Variants in GSE1 observed in about 807,000 individuals in gnomAD.
GSE1 encodes the protein genetic suppressor element 1.
A neutral mutation model predicts 112.6 loss-of-function variants in GSE1; 32 were observed. The observed-to-expected ratio is 0.28, with a 90% confidence interval of 0.21 to 0.38. The LOEUF (loss-of-function observed/expected upper bound fraction) is 0.38. Ranked by LOEUF, GSE1 falls within the 10% of genes least tolerant of loss-of-function variation. GSE1 has a pLI of 1.00. For missense variants in GSE1, 2,348 were observed against 1,699.2 expected, an observed-to-expected ratio of 1.38 and a Z score of -6.71; for synonymous variants, 1,115 against 735.6, an observed-to-expected ratio of 1.52 and a Z score of -8.35.
In GSE1 at chr16:85,666,495, C is replaced by G. The variant is rs1433384048; in HGVS notation, c.3130+148C>G. 4.1e-6 allele frequency: 3 copies of G among 730,346 alleles called. No individual in the cohort carries two copies. In the African/African-American group the frequency reaches 5.3e-5, roughly 13 times the overall value. 45.2% of individuals were successfully genotyped at this position (730,346 alleles called of 1,614,324 possible). ...AGAAGAAAATAATTTCGTTATTATG[C>G]CAAAACCATGTTTGTTTGTTTATCT... On this transcript the variant is annotated intron_variant, in intron 13 of 15. Coordinates refer to ENST00000253458, the MANE Select transcript of GSE1 (RefSeq NM_014615.5).
intron 3 of GSE1, among the ~76,000 whole-genome samples, chr16:85,654,060 C>T (rs2051682489): frequency 6.6e-6 from 1 of 152,168 alleles, no homozygotes; most frequent in South Asian, 2.1e-4. Flanking sequence ...TCCCGAGACG[C>T]ACTTCACCCC....
chr16:85,331,123 T>G (rs151181319), intron 1 of GSE1, among the ~76,000 whole-genome samples: 1 of 151,720 alleles, frequency 6.6e-6, no homozygotes, highest in Non-Finnish European at 1.5e-5. Context: ...GTTTTTTTAT[T>G]GTTATTATTT....
At chr16:85,184,004 A>T (rs927020430) in intron 1 of GSE1, among the ~76,000 whole-genome samples, 1 of 152,228 alleles carries the variant, frequency 6.6e-6, no homozygotes, top group African/African-American at 2.4e-5. Flanking sequence ...CTGTGGCCTT[A>T]CTTATCATTC....
At chr16:85,385,601 C>A (rs921001561) in intron 2 of GSE1, among the ~76,000 whole-genome samples, 1 of 152,204 alleles carries the variant, frequency 6.6e-6, no homozygotes, top group Non-Finnish European at 1.5e-5. Context: ...CCCAGCAAGT[C>A]CCGTGGCACC....
intron 1 of GSE1, among the ~76,000 whole-genome samples, chr16:85,331,373 G>GTATATATATATATATGTA (rs376286455): frequency 5.9e-5 from 5 of 84,488 alleles, no homozygotes; most frequent in Admixed American, 1.2e-4. Flanking sequence ...GTGTATATAT[G>GTATATATATATATATGTA]TATATATATG....
At chr16:85,244,382 C>G (rs1905416942) in intron 1 of GSE1, among the ~76,000 whole-genome samples, 1 of 152,150 alleles carries the variant, frequency 6.6e-6, no homozygotes, top group Non-Finnish European at 1.5e-5. Context: ...TCTAGAGCCT[C>G]CAGAAGGAGC....
chr16:85,537,695 C>G (rs1261986193), intron 2 of GSE1, among the ~76,000 whole-genome samples: 4 of 152,256 alleles, frequency 2.6e-5, no homozygotes, highest in Admixed American at 1.3e-4. Context: ...CACTGTGTGT[C>G]TGCTGCATAG....
intron 1 of GSE1, among the ~76,000 whole-genome samples, chr16:85,287,007 C>T (rs973745505): frequency 1.3e-5 from 2 of 152,228 alleles, no homozygotes; most frequent in African/African-American, 4.8e-5. Context: ...ACTCTGCCCG[C>T]CCCGGGTGCC....
chr16:85,402,934 C>G (rs1487413810), intron 2 of GSE1, among the ~76,000 whole-genome samples: 1 of 151,994 alleles, frequency 6.6e-6, no homozygotes, highest in African/African-American at 2.4e-5. Flanking sequence ...AAAAAATTGC[C>G]CCAAAACTTC....
chr16:85,347,588 C>T (rs999488343), intron 1 of GSE1, among the ~76,000 whole-genome samples: 5 of 151,878 alleles, frequency 3.3e-5, no homozygotes, highest in Middle Eastern at 3.2e-3. Context: ...GTGCCCCACC[C>T]GCCCATCCCA....
intron 2 of GSE1, among the ~76,000 whole-genome samples, chr16:85,438,799 C>G (rs1567487529): frequency 6.6e-6 from 1 of 152,212 alleles, no homozygotes; most frequent in Non-Finnish European, 1.5e-5. Context: ...TGCTGGGACA[C>G]TCAGCTGTGG....
At chr16:85,555,951 C>T (rs540640917), upstream of GSE1, 1 of 984,514 alleles carries the variant, frequency 1.0e-6, no homozygotes, top group Non-Finnish European at 1.2e-6. Context: ...CGCGCTCCCC[C>T]CTCCTTTTTT....
chr16:85,225,418 C>A (rs1351987437), intron 1 of GSE1, among the ~76,000 whole-genome samples: 1 of 152,102 alleles, frequency 6.6e-6, no homozygotes, highest in African/African-American at 2.4e-5. Flanking sequence ...AGCAGGAGGC[C>A]AGCAGGGCTG....
chr16:85,404,043 T>A (rs2048184173), intron 2 of GSE1, among the ~76,000 whole-genome samples: 1 of 151,842 alleles, frequency 6.6e-6, no homozygotes, highest in Admixed American at 6.6e-5. Context: ...TCTGTGTGCG[T>A]CAGAACTCCC....
intron 2 of GSE1, among the ~76,000 whole-genome samples, chr16:85,547,143 G>GC (rs2044728994): frequency 1.3e-5 from 2 of 152,222 alleles, no homozygotes; most frequent in Non-Finnish European, 2.9e-5. Context: ...CCCAGCTGTG[G>GC]CCCAAGGCAT....
At chr16:85,367,835 A>G (rs1478399808) in intron 2 of GSE1, among the ~76,000 whole-genome samples, 1 of 148,236 alleles carries the variant, frequency 6.7e-6, no homozygotes, top group Non-Finnish European at 1.5e-5. Context: ...GTAAAGAGGA[A>G]ATAAGATTCT....
chr16:85,504,834 G>A (rs896463483), intron 2 of GSE1, among the ~76,000 whole-genome samples: 5 of 152,264 alleles, frequency 3.3e-5, no homozygotes, highest in East Asian at 1.9e-4. Context: ...GCTCCAGGCC[G>A]GTGGCTCTGG....
rs187135816 is a variant in GSE1, at chr16:85,407,919, C to T, written c.2464+50276C>T. On this transcript the variant is annotated intron_variant, in intron 2 of 2. Transcript: ENST00000637419. ...CAGGGCCCCCCTGGATAATCCTCAC[C>T]GTTACTCTCAGGCCCCCCTGGATAA... 3.0e-3 allele frequency among the ~76,000 whole-genome samples: 100 copies of T among 33,350 alleles called. 2 individuals carry two copies. The highest frequency in any genetic ancestry group is 0.029 in the Middle Eastern group (1 of 34). 21.9% of individuals were successfully genotyped at this position (33,350 alleles called of 152,430 possible).
intron 1 of GSE1, among the ~76,000 whole-genome samples, chr16:85,288,625 G>C (rs1269398010): frequency 6.6e-6 from 1 of 152,214 alleles, no homozygotes; most frequent in African/African-American, 2.4e-5. Flanking sequence ...CCCTGCCACT[G>C]AGGACAGCAG....
Sources: gnomAD v4.1 joint callset for allele counts (sites outside exome capture counted in the v4.1 genomes callset) on GRCh38, gnomAD v4.1.1 for gene constraint, MANE v1.5 for transcripts, NCBI Gene and HGNC (gene_info 2026-07-23, HGNC 2026-07-21) for gene names.